Variants in SYT16 observed in about 807,000 individuals in gnomAD.
The protein encoded by SYT16 is synaptotagmin-16.
A neutral mutation model predicts 61.4 loss-of-function variants in SYT16; 42 were observed. That is an observed-to-expected ratio of 0.68 (90% CI 0.53 to 0.89). SYT16 has a LOEUF of 0.89. Among genes scored for constraint, SYT16 ranks in the 40% least tolerant of loss-of-function variants. The probability of loss-of-function intolerance (pLI) is 0.00; values close to 1 mark genes in which losing one functional copy is unlikely to be tolerated. For missense variants in SYT16, 804 were observed against 807.3 expected (o/e 1.00, Z 0.05); for synonymous variants, 314 against 302.3 (o/e 1.04, Z -0.40).
intron 3 of SYT16, among the ~76,000 whole-genome samples, chr14:62,017,418 C>G (rs2053732926): frequency 6.6e-6 from 1 of 152,202 alleles, no homozygotes; most frequent in African/African-American, 2.4e-5. Flanking sequence ...CAAGCATATG[C>G]TTATAACTCT....
chr14:62,040,710 CT>C (rs959347007), intron 3 of SYT16, among the ~76,000 whole-genome samples: 1 of 152,148 alleles, frequency 6.6e-6, no homozygotes, highest in Non-Finnish European at 1.5e-5. Context: ...TGAAACATCT[CT>C]TTTTCCTCTA....
chr14:61,913,889 T>A (rs961478801), intron 1 of SYT16, among the ~76,000 whole-genome samples: 1 of 152,148 alleles, frequency 6.6e-6, no homozygotes, highest in Non-Finnish European at 1.5e-5. Flanking sequence ...AACTTTCTTT[T>A]TGCAGTGCAA....
At chr14:61,982,017 A>G (rs2052099324) in intron 2 of SYT16, among the ~76,000 whole-genome samples, 1 of 152,156 alleles carries the variant, frequency 6.6e-6, no homozygotes, top group Non-Finnish European at 1.5e-5. Flanking sequence ...GCTGCAGAAG[A>G]TTTCCTTCAT....
intron 1 of SYT16, among the ~76,000 whole-genome samples, chr14:61,924,933 G>A (rs2049474826): frequency 6.6e-6 from 1 of 152,242 alleles, no homozygotes; most frequent in Non-Finnish European, 1.5e-5. Flanking sequence ...GATCCTTAGG[G>A]ACCCAGGCTG....
intron 7 of SYT16, among the ~76,000 whole-genome samples, chr14:62,091,153 G>A (rs1256537328): frequency 6.6e-6 from 1 of 152,152 alleles, no homozygotes; most frequent in African/African-American, 2.4e-5. Context: ...AGGAATCACA[G>A]TAAGACTGAG....
intron 1 of SYT16, among the ~76,000 whole-genome samples, chr14:61,845,183 G>T (rs1374354341): frequency 6.6e-6 from 1 of 151,848 alleles, no homozygotes; most frequent in Non-Finnish European, 1.5e-5. Flanking sequence ...AAGTAGCTGG[G>T]ATTACAGGCA....
At chr14:61,974,422 T>C (rs1039582608) in intron 2 of SYT16, among the ~76,000 whole-genome samples, 2 of 152,188 alleles carry the variant, frequency 1.3e-5, no homozygotes, top group South Asian at 4.1e-4. Flanking sequence ...TTGAAATCCT[T>C]AGTGATTTTC....
At chr14:62,011,790 G>A (rs1159996896) in intron 3 of SYT16, among the ~76,000 whole-genome samples, 1 of 150,694 alleles carries the variant, frequency 6.6e-6, no homozygotes, top group Non-Finnish European at 1.5e-5. Flanking sequence ...CACCACATAT[G>A]CCGTATATCA....
chr14:61,913,456 T>C (rs1422174952), intron 1 of SYT16, among the ~76,000 whole-genome samples: 8 of 152,198 alleles, frequency 5.3e-5, no homozygotes, highest in African/African-American at 1.9e-4. Flanking sequence ...CTTTAAAGAT[T>C]GCCCTTAAGA....
chr14:61,908,877 C>T (rs956608161), intron 1 of SYT16, among the ~76,000 whole-genome samples: 1 of 152,156 alleles, frequency 6.6e-6, no homozygotes, highest in Non-Finnish European at 1.5e-5. Flanking sequence ...GGCTGGAGTG[C>T]AGTGGCGTGA....
At chr14:61,904,995 T>G (rs2119760) in intron 1 of SYT16, among the ~76,000 whole-genome samples, 138,419 of 152,222 alleles carry the variant, frequency 0.91, 63,067 homozygotes, top group East Asian at 0.98. Flanking sequence ...AAACTTGTGT[T>G]GCCATCTAAT....
At chr14:61,893,366 G>C (rs1393644401) in intron 1 of SYT16, among the ~76,000 whole-genome samples, 1 of 152,104 alleles carries the variant, frequency 6.6e-6, no homozygotes, top group Admixed American at 6.5e-5. Context: ...TTTAGATATT[G>C]TCCTGAAATT....
intron 3 of SYT16, among the ~76,000 whole-genome samples, chr14:62,048,764 A>G (rs1196233497): frequency 1.3e-5 from 2 of 152,098 alleles, no homozygotes; most frequent in African/African-American, 4.8e-5. Flanking sequence ...CAGGTTGTTC[A>G]GTTTCCGTGT....
chr14:62,039,295 G>A (rs2054623867), intron 3 of SYT16, among the ~76,000 whole-genome samples: 2 of 152,288 alleles, frequency 1.3e-5, no homozygotes, highest in South Asian at 4.2e-4. Context: ...CAAGGCATGA[G>A]GTGCCTTGGT....
intron 3 of SYT16, among the ~76,000 whole-genome samples, chr14:62,044,704 A>G (rs950549507): frequency 6.6e-6 from 1 of 152,088 alleles, no homozygotes; most frequent in Non-Finnish European, 1.5e-5. Flanking sequence ...TCTATCATTG[A>G]TGGGCATTTG....
At chr14:61,832,715 T>C (rs1227942436) in intron 1 of SYT16, among the ~76,000 whole-genome samples, 2 of 152,166 alleles carry the variant, frequency 1.3e-5, no homozygotes, top group Non-Finnish European at 2.9e-5. Context: ...TAGGATTACA[T>C]GCGTGAGCCA....
chr14:62,102,405 A>C lies in SYT16; in HGVS notation c.*1698A>C, dbSNP rs1306717661. 2 of 152,210 alleles carry C rather than the reference A, an allele frequency of 1.3e-5. No homozygotes were observed. The highest frequency in any genetic ancestry group is 2.9e-5 in the Non-Finnish European group (2 of 68,030). 9.4% of individuals were successfully genotyped at this position (152,210 alleles called of 1,614,324 possible). On this transcript the variant is annotated 3_prime_UTR_variant, in exon 8 of 8. Transcript: ENST00000683842. ...TAATACCTTAATTACTTTTCAGGTC[A>C]TGGGAGTTTCATATATATGGCTGCT...
chr14:61,875,212 G>C (rs981445685), intron 1 of SYT16, among the ~76,000 whole-genome samples: 3 of 152,210 alleles, frequency 2.0e-5, no homozygotes, highest in Non-Finnish European at 4.4e-5. Context: ...TATGGCTTTA[G>C]AGTATAGATG....
chr14:61,883,208 C>T (rs1191600014), intron 1 of SYT16, among the ~76,000 whole-genome samples: 1 of 152,178 alleles, frequency 6.6e-6, no homozygotes, highest in East Asian at 1.9e-4. Context: ...TAATATTTGG[C>T]TTCTCATTAC....
Sources: allele counts gnomAD v4.1 joint callset (sites outside exome capture counted in the v4.1 genomes callset), GRCh38; gene constraint gnomAD v4.1.1; transcripts MANE v1.5; gene names NCBI Gene and HGNC (gene_info 2026-07-23, HGNC 2026-07-21).